Variants in SUMF1 observed in about 807,000 individuals in gnomAD.
SUMF1 encodes sulfatase modifying factor 1.
Under a neutral mutation model 47.6 loss-of-function variants are expected in SUMF1, and 48 were observed. That is an observed-to-expected ratio of 1.01 (90% CI 0.80 to 1.28). The LOEUF is 1.28. SUMF1 is among the 50% of genes most tolerant of loss of function. The probability of loss-of-function intolerance (pLI) is 0.00; values close to 1 mark genes in which losing one functional copy is unlikely to be tolerated. For missense variants in SUMF1, 571 were observed against 485.4 expected, an observed-to-expected ratio of 1.18 and a Z score of -1.66; for synonymous variants, 230 against 192.1, an observed-to-expected ratio of 1.20 and a Z score of -1.63.
intron 8 of SUMF1, among the ~76,000 whole-genome samples, chr3:4,189,923 T>C (rs762572643): frequency 6.6e-6 from 1 of 152,182 alleles, no homozygotes; most frequent in Non-Finnish European, 1.5e-5. Flanking sequence ...TCTGCTTTCA[T>C]CTGAGCATCT....
intron 7 of SUMF1, among the ~76,000 whole-genome samples, chr3:4,383,308 G>A (rs1484328800): frequency 6.6e-6 from 1 of 152,166 alleles, no homozygotes; most frequent in African/African-American, 2.4e-5. Context: ...GAACCCGGGA[G>A]GCGGAGGCTG....
intron 8 of SUMF1, among the ~76,000 whole-genome samples, chr3:4,090,181 G>T (rs1692754881): frequency 6.6e-6 from 1 of 152,028 alleles, no homozygotes; most frequent in Non-Finnish European, 1.5e-5. Flanking sequence ...GCAGGTCCTC[G>T]AATAATGCTG....
At chr3:4,401,086 T>C (rs950339443) in intron 7 of SUMF1, among the ~76,000 whole-genome samples, 15 of 151,434 alleles carry the variant, frequency 9.9e-5, no homozygotes, top group Admixed American at 3.3e-4. Flanking sequence ...GTCCTTGTGA[T>C]AGTTTGCTAA....
At chr3:4,132,168 G>A (rs1223900184) in intron 8 of SUMF1, among the ~76,000 whole-genome samples, 3 of 152,090 alleles carry the variant, frequency 2.0e-5, no homozygotes, top group South Asian at 2.1e-4. Flanking sequence ...TTCCTATCCC[G>A]CTCACAATGC....
At chr3:4,084,779 T>C (rs1451066235) in intron 8 of SUMF1, among the ~76,000 whole-genome samples, 1 of 152,132 alleles carries the variant, frequency 6.6e-6, no homozygotes, top group Non-Finnish European at 1.5e-5. Flanking sequence ...GTTCTTTGTA[T>C]CTTGCAAAAG....
intron 7 of SUMF1, among the ~76,000 whole-genome samples, chr3:4,396,640 C>G (rs1330582916): frequency 6.6e-6 from 1 of 152,144 alleles, no homozygotes; most frequent in Non-Finnish European, 1.5e-5. Flanking sequence ...TGGAGCTTCT[C>G]CATCCCAAAT....
At chr3:4,275,288 G>A (rs982667185) in intron 8 of SUMF1, among the ~76,000 whole-genome samples, 3 of 152,152 alleles carry the variant, frequency 2.0e-5, no homozygotes, top group Non-Finnish European at 2.9e-5. Context: ...AATATGAGAT[G>A]TTCACAGGCA....
At chr3:4,091,554 G>T (rs1054554193) in intron 8 of SUMF1, among the ~76,000 whole-genome samples, 1 of 152,014 alleles carries the variant, frequency 6.6e-6, no homozygotes, top group Non-Finnish European at 1.5e-5. Context: ...CAATTACAAG[G>T]TTGTCACACT....
intron 9 of SUMF1, among the ~76,000 whole-genome samples, chr3:4,044,730 T>C (rs190806284): frequency 6.6e-6 from 1 of 152,346 alleles, no homozygotes; most frequent in East Asian, 1.9e-4. Flanking sequence ...TATTGGAAAT[T>C]ATTCATGATG....
intron 8 of SUMF1, among the ~76,000 whole-genome samples, chr3:4,286,575 A>G (rs1230421739): frequency 1.3e-5 from 2 of 152,174 alleles, no homozygotes; most frequent in Admixed American, 6.5e-5. Context: ...TTTCATTTTC[A>G]TCACACCAGC....
chr3:4,281,637 G>T (rs1166645558), intron 8 of SUMF1, among the ~76,000 whole-genome samples: 1 of 151,978 alleles, frequency 6.6e-6, no homozygotes, highest in Non-Finnish European at 1.5e-5. Context: ...ATTAGAAGAA[G>T]TAACAATTAG....
intron 8 of SUMF1, among the ~76,000 whole-genome samples, chr3:4,219,783 T>A (rs935787260): frequency 4.6e-5 from 7 of 152,262 alleles, no homozygotes; most frequent in Admixed American, 1.3e-4. Flanking sequence ...ATCCATGGAA[T>A]CAGAATCTTT....
At chr3:4,215,001 G>A (rs1386694243) in intron 8 of SUMF1, among the ~76,000 whole-genome samples, 1 of 151,792 alleles carries the variant, frequency 6.6e-6, no homozygotes. Flanking sequence ...ATTCTGCAAT[G>A]ATTTCAAACA....
chr3:4,145,694 C>T (rs930529855), intron 8 of SUMF1, among the ~76,000 whole-genome samples: 1 of 152,178 alleles, frequency 6.6e-6, no homozygotes, highest in African/African-American at 2.4e-5. Context: ...TGATGGAAAA[C>T]ATATTCAAAC....
chr3:4,382,672 A>C (rs555225790), intron 7 of SUMF1, among the ~76,000 whole-genome samples: 1 of 152,308 alleles, frequency 6.6e-6, no homozygotes, highest in African/African-American at 2.4e-5. Context: ...AACCAACCCA[A>C]ACGCCCACCA....
At chr3:4,254,734 C>A (rs1211999877) in intron 8 of SUMF1, among the ~76,000 whole-genome samples, 4 of 149,108 alleles carry the variant, frequency 2.7e-5, no homozygotes, top group Non-Finnish European at 6.0e-5. Context: ...GCAAGGCAGG[C>A]CAACGTTCAG....
chr3:4,358,411 T>C (rs370332614), downstream of SUMF1, among the ~76,000 whole-genome samples: 13 of 152,270 alleles, frequency 8.5e-5, no homozygotes, highest in African/African-American at 2.4e-4. Context: ...AACTGGCACA[T>C]CGACCAAACG....
chr3:4,342,506 C>G (rs1699292431), intron 8 of SUMF1, among the ~76,000 whole-genome samples: 1 of 152,196 alleles, frequency 6.6e-6, no homozygotes, highest in African/African-American at 2.4e-5. Context: ...GCACTCCAGC[C>G]TGGGCAACAG....
intron 8 of SUMF1, among the ~76,000 whole-genome samples, chr3:4,117,258 CTG>C (rs1693442203): frequency 6.6e-6 from 1 of 151,888 alleles, no homozygotes; most frequent in African/African-American, 2.4e-5. Context: ...TAAAGCCTCT[CTG>C]TGGAAATGTA....
Sources: allele counts gnomAD v4.1 joint callset (sites outside exome capture counted in the v4.1 genomes callset), GRCh38; gene constraint gnomAD v4.1.1; transcripts MANE v1.5; gene names NCBI Gene and HGNC (gene_info 2026-07-23, HGNC 2026-07-21).